NME9: variants seen among roughly 807,000 people sequenced by gnomAD.
The protein encoded by NME9 is thioredoxin domain-containing protein 6.
Under a neutral mutation model 44.4 loss-of-function variants are expected in NME9, and 48 were observed. That is an observed-to-expected ratio of 1.08 (90% CI 0.86 to 1.37). The LOEUF is 1.37. Ranked by LOEUF, NME9 falls within the 40% of genes most tolerant of loss-of-function variation. The pLI, the probability that NME9 is intolerant of heterozygous loss-of-function variation, is 0.00. For synonymous variants in NME9, 139 were observed against 147.1 expected (o/e 0.94, Z 0.40); for missense variants, 325 against 405.2 (o/e 0.80, Z 1.70).
At chr3:138,278,537 A>G (rs1187001711) in intron 8 of NME9, among the ~76,000 whole-genome samples, 1 of 152,174 alleles carries the variant, frequency 6.6e-6, no homozygotes, top group Non-Finnish European at 1.5e-5. Context: ...TTGGTAAATA[A>G]AATTACTACC....
chr3:138,324,854 T>A lies in NME9; in HGVS notation c.91+19A>T. On this transcript the variant is annotated intron_variant, in intron 2 of 10. Transcript: ENST00000333911. ...TTTAGAAAAGAATGGATCTAAAAAG[T>A]TATTTTACTTTGAATTACCAGTTAG... 1 of 1,589,252 alleles carries A rather than the reference T, an allele frequency of 6.3e-7. No individual in the cohort carries two copies. The highest frequency in any genetic ancestry group is 8.6e-7 in the Non-Finnish European group (1 of 1,158,124).
At chr3:138,267,559 A>G (rs984767816) in intron 8 of NME9, among the ~76,000 whole-genome samples, 2 of 152,244 alleles carry the variant, frequency 1.3e-5, no homozygotes, top group Non-Finnish European at 2.9e-5. Flanking sequence ...TTCTCAGGCT[A>G]TCTTTACTAA....
At chr3:138,262,281 C>A in exon 9 of NME9, 1 of 422,880 alleles carries the variant, frequency 2.4e-6, no homozygotes, top group Non-Finnish European at 4.3e-6. Context: ...AGTGATTGTG[C>A]ATATCAGTAA....
intron 8 of NME9, among the ~76,000 whole-genome samples, chr3:138,271,941 G>A (rs780074433): frequency 3.3e-5 from 5 of 151,886 alleles, no homozygotes; most frequent in South Asian, 2.1e-4. Context: ...GATTACAGGC[G>A]TGTGCCACCA....
chr3:138,302,653 G>A (rs2051928717), intron 10 of NME9, among the ~76,000 whole-genome samples: 1 of 152,156 alleles, frequency 6.6e-6, no homozygotes. Flanking sequence ...ATAGAGCAGT[G>A]GCAAGTCCAC....
chr3:138,303,379 G>C, intron 10 of NME9, 128 bp downstream of exon 10: 1 of 648,000 alleles, frequency 1.5e-6, no homozygotes, highest in Non-Finnish European at 2.7e-6. Flanking sequence ...TGTATTTTCA[G>C]AACAGGACTG....
In NME9 at chr3:138,320,645, T is replaced by C. The variant is rs373559413; in HGVS notation, c.92-1064A>G. ...GCACTGTTCTAACACTGTTCTATAG[T>C]AACCAGGGAAGGAAGGCTTCCCATG... On this transcript the variant is annotated intron_variant, in intron 2 of 10. Coordinates refer to ENST00000333911, the MANE Select transcript of NME9 (RefSeq NM_001349018.2). Among the ~76,000 whole-genome samples the C allele has an allele frequency of 3.9e-5, 6 of 152,298 alleles. No homozygotes were observed. The East Asian group carries it at 7.7e-4, about 20-fold the overall frequency.
chr3:138,262,405 C>A, exon 9 of NME9: 1 of 1,025,604 alleles, frequency 9.8e-7, no homozygotes, highest in South Asian at 1.8e-5. Flanking sequence ...ATGTGGTTCC[C>A]TGTTCTTAAT....
chr3:138,287,706 C>T (rs1328090756), intron 8 of NME9: 1 of 456,654 alleles, frequency 2.2e-6, no homozygotes, highest in South Asian at 1.5e-5. Context: ...TAGAATTCTA[C>T]TGGAGGAAGC....
rs867313181 is a variant in NME9 at position 138,281,298 on chromosome 3, C to T, written c.746-18712G>A. Among the ~76,000 whole-genome samples the T allele has an allele frequency of 9.6e-3, 1,370 of 142,328 alleles. 25 individuals carry two copies. The highest frequency in any genetic ancestry group is 0.034 in the African/African-American group (1,329 of 39,232). 93.4% of individuals were successfully genotyped at this position (142,328 alleles called of 152,430 possible). ...TTGGCCCAATAATTGATTTCTTTTT[C>T]TTTTTTTTTTTTTGATAGAGAGTCT... On this transcript the variant is annotated intron_variant, in intron 8 of 8. Coordinates refer to the NME9 transcript ENST00000317876.
chr3:138,283,434 T>C (rs991659619), intron 8 of NME9, among the ~76,000 whole-genome samples: 6 of 152,218 alleles, frequency 3.9e-5, no homozygotes, highest in Non-Finnish European at 8.8e-5. Flanking sequence ...ACCCTTGCAG[T>C]ATCCAACAAG....
At chr3:138,299,538 ACT>A (rs1193811237), downstream of NME9, among the ~76,000 whole-genome samples, 1 of 151,736 alleles carries the variant, frequency 6.6e-6, no homozygotes, top group Non-Finnish European at 1.5e-5. Context: ...TATTTGAGCC[ACT>A]CTCGGGAACC....
At chr3:138,280,515 A>G (rs2049791118) in intron 8 of NME9, among the ~76,000 whole-genome samples, 1 of 142,906 alleles carries the variant, frequency 7.0e-6, no homozygotes. Flanking sequence ...TTTTTTTGAG[A>G]CAGTCTCTCG....
chr3:138,275,403 C>T (rs565064813), intron 8 of NME9, among the ~76,000 whole-genome samples: 202 of 152,154 alleles, frequency 1.3e-3, no homozygotes, highest in African/African-American at 4.5e-3. Flanking sequence ...TAAAAAAATA[C>T]AAAAAATTAG....
At chr3:138,291,980 G>A (rs1256083857) in intron 8 of NME9, among the ~76,000 whole-genome samples, 2 of 152,130 alleles carry the variant, frequency 1.3e-5, no homozygotes, top group Non-Finnish European at 2.9e-5. Context: ...GACTGTTAAG[G>A]AGAGGAGACA....
At chr3:138,295,728 C>T in intron 8 of NME9, 1 of 933,450 alleles carries the variant, frequency 1.1e-6, no homozygotes, top group Admixed American at 2.3e-5. Flanking sequence ...TAGGTGCCCA[C>T]CTGGGCTCAC....
At chr3:138,261,619 G>A (rs1453494991) in exon 9 of NME9, 1 of 152,192 alleles carries the variant, frequency 6.6e-6, no homozygotes, top group Non-Finnish European at 1.5e-5. Flanking sequence ...TTGTATATAT[G>A]CCCATTTAAA....
chr3:138,311,586 G>A (rs146545094), intron 6 of NME9, among the ~76,000 whole-genome samples: 212 of 152,266 alleles, frequency 1.4e-3, no homozygotes, highest in Non-Finnish European at 2.0e-3. Flanking sequence ...TTCATCATAT[G>A]TAAATCAATA....
chr3:138,313,499 G>T (rs888655647), intron 6 of NME9, among the ~76,000 whole-genome samples: 1 of 152,266 alleles, frequency 6.6e-6, no homozygotes, highest in South Asian at 2.1e-4. Flanking sequence ...AGCCACTATA[G>T]AAAACAGTAT....
Sources: gnomAD v4.1 joint callset for allele counts (sites outside exome capture counted in the v4.1 genomes callset) on GRCh38, gnomAD v4.1.1 for gene constraint, MANE v1.5 for transcripts, NCBI Gene and HGNC (gene_info 2026-07-23, HGNC 2026-07-21) for gene names.